Variants in IQCJ observed in about 807,000 individuals in gnomAD.
The protein encoded by IQCJ is IQ motif containing J.
In IQCJ, 9 loss-of-function variants were observed where a neutral mutation model predicts 11.0. The observed-to-expected ratio is 0.82, with a 90% CI of 0.49 to 1.43. The LOEUF (loss-of-function observed/expected upper bound fraction) is 1.43. Ranked by LOEUF, IQCJ falls within the 40% of genes most tolerant of loss-of-function variation. IQCJ has a pLI of 0.00. For synonymous variants in IQCJ, 55 were observed against 51.3 expected (o/e 1.07, Z -0.31); for missense variants, 146 against 133.2 (o/e 1.10, Z -0.47).
At chr3:159,138,330 A>G (rs1720414283) in intron 1 of IQCJ, among the ~76,000 whole-genome samples, 1 of 152,192 alleles carries the variant, frequency 6.6e-6, no homozygotes, top group Admixed American at 6.5e-5. Context: ...CCTTCTTCCT[A>G]AACACTTCAT....
intron 1 of IQCJ, among the ~76,000 whole-genome samples, chr3:159,146,589 A>C (rs1272976616): frequency 2.6e-5 from 4 of 152,176 alleles, no homozygotes; most frequent in Non-Finnish European, 5.9e-5. Context: ...TGGCCTTGAC[A>C]CTGTGTTTAA....
At chr3:159,168,038 C>T (rs888341770) in intron 1 of IQCJ, among the ~76,000 whole-genome samples, 1 of 151,958 alleles carries the variant, frequency 6.6e-6, no homozygotes, top group Non-Finnish European at 1.5e-5. Flanking sequence ...TGGCCTTTTT[C>T]CCCCAATTCT....
chr3:159,096,205 T>A (rs1717737226), intron 1 of IQCJ, among the ~76,000 whole-genome samples: 1 of 131,074 alleles, frequency 7.6e-6, no homozygotes, highest in Non-Finnish European at 1.6e-5. Flanking sequence ...CACTTTTTGA[T>A]GGGGTTGTTT....
chr3:159,151,150 C>T (rs780982916), intron 1 of IQCJ, among the ~76,000 whole-genome samples: 13 of 152,180 alleles, frequency 8.5e-5, no homozygotes, highest in Admixed American at 6.5e-5. Flanking sequence ...TTGGAAGGAG[C>T]AGAACATCTC....
At chr3:159,168,761 A>G (rs1014200322) in intron 1 of IQCJ, among the ~76,000 whole-genome samples, 2 of 152,088 alleles carry the variant, frequency 1.3e-5, no homozygotes, top group Non-Finnish European at 2.9e-5. Flanking sequence ...ATTCCATAAC[A>G]TTCATTGGTT....
downstream of IQCJ, chr3:159,263,797 A>G (rs2108240817): frequency 1.0e-6 from 1 of 985,348 alleles, no homozygotes; most frequent in Non-Finnish European, 1.2e-6. Context: ...TTGAGTTTAT[A>G]GCAGTGCAAA....
chr3:159,119,838 C>T (rs1300777704), intron 1 of IQCJ, among the ~76,000 whole-genome samples: 3 of 152,140 alleles, frequency 2.0e-5, no homozygotes, highest in Non-Finnish European at 4.4e-5. Flanking sequence ...TTGGGCTTCC[C>T]CACCTTCATT....
In IQCJ at chr3:159,262,688, G is replaced by C; in HGVS notation, c.296G>C (p.Ser99Thr). 1 of 1,613,890 alleles carries C rather than the reference G, an allele frequency of 6.2e-7. No individual in the cohort carries two copies. Among genetic ancestry groups the C allele is most frequent in the South Asian group, 1.1e-5 (1 of 91,076 alleles). The change falls in exon 4 of 4, where the codon AGT (serine) becomes ACT (threonine). Residue 99 changes from serine (S) to threonine (T), a missense_variant. Transcript: ENST00000397832. ...NTFSDSSTPV[S>T]VMFLFLCPDL... is the part of the protein sequence containing the mutation. ...TTCTCCGACAGCAGCACACCCGTGA[G>C]TGTCATGTTTCTTTTTCTATGTCCT... is the stretch of plus-strand genomic sequence containing the variant.
In IQCJ at chr3:159,228,031, T is replaced by C. The variant is rs529364036; in HGVS notation, c.10-17812T>C. ...TTAGCACCACAATTCTAGGCAATTC[T>C]GAATAGTAGAGATTCCATTCCATGT... On this transcript the variant is annotated intron_variant, in intron 1 of 3. Transcript: ENST00000397832. 2.6e-5 allele frequency among the ~76,000 whole-genome samples: 4 copies of C among 152,368 alleles called. No homozygotes were observed. The South Asian group carries it at 8.3e-4, about 32-fold the overall frequency.
chr3:159,210,355 G>A (rs568647014), intron 1 of IQCJ, among the ~76,000 whole-genome samples: 5 of 152,136 alleles, frequency 3.3e-5, no homozygotes, highest in South Asian at 4.1e-4. Flanking sequence ...AATACTATAT[G>A]TGTAAACCTC....
At chr3:159,081,211 CAG>C (rs1374549201) in intron 1 of IQCJ, among the ~76,000 whole-genome samples, 2 of 152,070 alleles carry the variant, frequency 1.3e-5, no homozygotes, top group Non-Finnish European at 2.9e-5. Context: ...TTCATGAATA[CAG>C]AGACAGGAAA....
chr3:159,253,906 C>G (rs978541052), intron 3 of IQCJ, among the ~76,000 whole-genome samples: 4 of 152,200 alleles, frequency 2.6e-5, no homozygotes, highest in Non-Finnish European at 4.4e-5. Context: ...CCCTGTAAAT[C>G]TATGTTAACC....
intron 1 of IQCJ, among the ~76,000 whole-genome samples, chr3:159,203,345 T>C (rs1724460248): frequency 6.6e-6 from 1 of 150,976 alleles, no homozygotes; most frequent in Admixed American, 6.6e-5. Context: ...CTCAGTGAGC[T>C]GAAGAGTGAT....
chr3:159,121,251 A>C (rs772500025), intron 1 of IQCJ, among the ~76,000 whole-genome samples: 22 of 150,910 alleles, frequency 1.5e-4, no homozygotes, highest in Admixed American at 9.9e-4. Context: ...TTCTCACCCC[A>C]GCTTCCTGAA....
At chr3:159,169,977 T>C (rs183753273) in intron 1 of IQCJ, among the ~76,000 whole-genome samples, 238 of 152,302 alleles carry the variant, frequency 1.6e-3, no homozygotes, top group African/African-American at 5.6e-3. Flanking sequence ...TTTCTAGAAC[T>C]GACCTTTTGT....
chr3:159,228,614 A>C (rs1726002013), intron 1 of IQCJ, among the ~76,000 whole-genome samples: 1 of 151,896 alleles, frequency 6.6e-6, no homozygotes, highest in Non-Finnish European at 1.5e-5. Context: ...AAACGGTGAA[A>C]CCTCGTCTCT....
intron 1 of IQCJ, among the ~76,000 whole-genome samples, chr3:159,126,356 G>A (rs976407909): frequency 2.4e-4 from 37 of 152,188 alleles, no homozygotes; most frequent in Admixed American, 3.3e-4. Flanking sequence ...ACCCAGCTCA[G>A]CACAAAATGA....
chr3:159,095,468 T>C (rs1254383545), intron 1 of IQCJ, among the ~76,000 whole-genome samples: 3 of 136,822 alleles, frequency 2.2e-5, no homozygotes, highest in Non-Finnish European at 4.7e-5. Context: ...CACCCACTAG[T>C]GTGTCATCTA....
chr3:159,188,292 C>A (rs1029665178), intron 1 of IQCJ, among the ~76,000 whole-genome samples: 8 of 152,104 alleles, frequency 5.3e-5, no homozygotes, highest in Admixed American at 4.6e-4. Flanking sequence ...CGCCTGTAAT[C>A]CCAGCTACTT....
Sources: gnomAD v4.1 joint callset for allele counts (sites outside exome capture counted in the v4.1 genomes callset) on GRCh38, gnomAD v4.1.1 for gene constraint, MANE v1.5 for transcripts, NCBI Gene and HGNC (gene_info 2026-07-23, HGNC 2026-07-21) for gene names.